The following TAFA2 variants were observed in gnomAD, a reference collection of about 807,000 sequenced individuals.
TAFA2 encodes chemokine-like protein TAFA-2.
TAFA2 carries 7 observed loss-of-function variants against 18.8 expected under a neutral mutation model. The ratio of observed to expected loss-of-function variants is 0.37; its 90% CI spans 0.21 to 0.70. The LOEUF (loss-of-function observed/expected upper bound fraction) is 0.70, where lower values mean the gene tolerates loss of function less well. Ranked by LOEUF, TAFA2 falls within the 30% of genes least tolerant of loss-of-function variation. The pLI is 0.53. For synonymous variants in TAFA2, 60 were observed against 54.2 expected (o/e 1.11, Z -0.47); for missense variants, 122 against 158.1 (o/e 0.77, Z 1.23).
intron 4 of TAFA2, among the ~76,000 whole-genome samples, chr12:61,721,530 A>G (rs1869896257): frequency 6.6e-6 from 1 of 152,208 alleles, no homozygotes; most frequent in African/African-American, 2.4e-5. Context: ...CCTGGGCGGC[A>G]TTCATTTTTC....
intron 1 of TAFA2, among the ~76,000 whole-genome samples, chr12:61,989,509 C>G (rs1453459196): frequency 6.6e-6 from 1 of 152,082 alleles, no homozygotes; most frequent in Non-Finnish European, 1.5e-5. Flanking sequence ...TCTCTAACTC[C>G]TTACCAAACC....
intron 1 of TAFA2, among the ~76,000 whole-genome samples, chr12:62,105,323 AC>A (rs1869399800): frequency 6.6e-6 from 1 of 152,176 alleles, no homozygotes. Flanking sequence ...AATGTATTTC[AC>A]CAGGGGGAAA....
chr12:61,749,993 C>CCACACA lies in TAFA2; in HGVS notation c.384+3623_384+3628dup, dbSNP rs34947699. On this transcript the variant is annotated intron_variant, in intron 4 of 4. Transcript: ENST00000416284. ...CACGAAGAAAGAATATCAAAACACC[C>CCACACA]CACACACACACACACACACACAGAA... Among the ~76,000 whole-genome samples the CCACACA allele has an allele frequency of 1.2e-3, 177 of 148,878 alleles. 1 individual carries two copies. The highest frequency in any genetic ancestry group is 3.9e-3 in the African/African-American group (158 of 40,536).
chr12:61,967,429 G>C (rs1879105795), intron 1 of TAFA2, among the ~76,000 whole-genome samples: 1 of 151,822 alleles, frequency 6.6e-6, no homozygotes, highest in South Asian at 2.1e-4. Context: ...GAATCTCATA[G>C]CCATTCATCA....
intron 1 of TAFA2, among the ~76,000 whole-genome samples, chr12:62,008,800 A>G (rs1880639914): frequency 1.3e-5 from 2 of 152,190 alleles, no homozygotes; most frequent in Non-Finnish European, 2.9e-5. Flanking sequence ...AATGCCTGAC[A>G]CTATCCATTT....
chr12:62,150,559 A>C (rs1362858634), intron 1 of TAFA2, among the ~76,000 whole-genome samples: 1 of 152,156 alleles, frequency 6.6e-6, no homozygotes, highest in African/African-American at 2.4e-5. Context: ...CTACTCAAAA[A>C]TACTACTGTC....
chr12:61,989,715 G>A (rs981432576), intron 1 of TAFA2, among the ~76,000 whole-genome samples: 3 of 152,184 alleles, frequency 2.0e-5, no homozygotes, highest in African/African-American at 7.2e-5. Flanking sequence ...TGAAGCAAAT[G>A]TGTAGAAGTG....
At chr12:61,966,376 G>A (rs1003150908) in intron 1 of TAFA2, among the ~76,000 whole-genome samples, 2 of 151,888 alleles carry the variant, frequency 1.3e-5, no homozygotes, top group African/African-American at 4.8e-5. Context: ...GAGAAAGAGG[G>A]CTGAGGCTTC....
intron 1 of TAFA2, among the ~76,000 whole-genome samples, chr12:61,975,681 C>T (rs1879407877): frequency 6.6e-6 from 1 of 151,774 alleles, no homozygotes; most frequent in South Asian, 2.1e-4. Context: ...TGCAATTCTA[C>T]TTATTGTAAT....
chr12:61,875,203 C>G (rs1018349453), intron 1 of TAFA2, among the ~76,000 whole-genome samples: 3 of 151,994 alleles, frequency 2.0e-5, no homozygotes, highest in African/African-American at 7.2e-5. Context: ...CTCACGTGCC[C>G]TGTTGAGGCA....
intron 1 of TAFA2, among the ~76,000 whole-genome samples, chr12:61,885,058 T>C (rs1256185889): frequency 6.6e-6 from 1 of 151,658 alleles, no homozygotes; most frequent in Non-Finnish European, 1.5e-5. Flanking sequence ...CTCTTTCAAA[T>C]GGATGAAATA....
chr12:61,894,399 A>C (rs1056744941), intron 1 of TAFA2, among the ~76,000 whole-genome samples: 10 of 152,214 alleles, frequency 6.6e-5, no homozygotes, highest in African/African-American at 2.4e-4. Context: ...CATGTGTTGC[A>C]TTAATGTGGA....
intron 1 of TAFA2, among the ~76,000 whole-genome samples, chr12:62,061,656 G>T (rs926039034): frequency 1.3e-5 from 2 of 152,188 alleles, no homozygotes; most frequent in Non-Finnish European, 2.9e-5. Flanking sequence ...TCACTAGGAG[G>T]TTACTCATTT....
intron 4 of TAFA2, among the ~76,000 whole-genome samples, chr12:61,716,242 T>C (rs1387732366): frequency 6.6e-6 from 1 of 152,202 alleles, no homozygotes; most frequent in African/African-American, 2.4e-5. Flanking sequence ...GTTACTAGTC[T>C]TCTCTGATAC....
chr12:62,093,106 T>A (rs1333989100), intron 1 of TAFA2, among the ~76,000 whole-genome samples: 1 of 152,058 alleles, frequency 6.6e-6, no homozygotes, highest in East Asian at 1.9e-4. Context: ...TATTTTAGAC[T>A]ATTACAGAGA....
intron 2 of TAFA2, among the ~76,000 whole-genome samples, chr12:61,861,625 G>A (rs780438236): frequency 6.6e-6 from 1 of 152,022 alleles, no homozygotes; most frequent in African/African-American, 2.4e-5. Flanking sequence ...TATATTTCAC[G>A]GATAGTTGGT....
intron 2 of TAFA2, among the ~76,000 whole-genome samples, chr12:61,765,307 A>G (rs1466456253): frequency 1.3e-5 from 2 of 152,064 alleles, no homozygotes; most frequent in Non-Finnish European, 2.9e-5. Context: ...CTGAATGACT[A>G]TGTAGAGGAG....
chr12:62,034,242 C>T (rs1592562581), intron 1 of TAFA2, among the ~76,000 whole-genome samples: 1 of 152,106 alleles, frequency 6.6e-6, no homozygotes, highest in Non-Finnish European at 1.5e-5. Flanking sequence ...ATATGTTCAC[C>T]TTGAGCCCAG....
intron 2 of TAFA2, among the ~76,000 whole-genome samples, chr12:61,766,402 T>C (rs1869791772): frequency 6.6e-6 from 1 of 152,104 alleles, no homozygotes; most frequent in Non-Finnish European, 1.5e-5. Context: ...CACATCTCTT[T>C]GTCTTTGCCA....
Sources: gnomAD v4.1 joint callset for allele counts (sites outside exome capture counted in the v4.1 genomes callset) on GRCh38, gnomAD v4.1.1 for gene constraint, MANE v1.5 for transcripts, NCBI Gene and HGNC (gene_info 2026-07-23, HGNC 2026-07-21) for gene names.